The following ANO2 variants were observed in gnomAD, a reference collection of about 807,000 sequenced individuals.
ANO2 encodes the protein anoctamin-2.
ANO2 carries 101 observed loss-of-function variants against 124.2 expected under a neutral mutation model. The observed-to-expected ratio is 0.81, with a 90% CI of 0.69 to 0.96. ANO2 has a LOEUF of 0.96. Among genes scored for constraint, ANO2 ranks in the 40% least tolerant of loss-of-function variants. The probability of loss-of-function intolerance (pLI) is 0.00; values close to 1 mark genes in which losing one functional copy is unlikely to be tolerated. For synonymous variants in ANO2, 486 were observed against 482.5 expected (o/e 1.01, Z -0.09); for missense variants, 1,293 against 1,274.5 (o/e 1.01, Z -0.22).
intron 1 of ANO2, among the ~76,000 whole-genome samples, chr12:5,944,064 A>G (rs1942999975): frequency 6.6e-6 from 1 of 152,214 alleles, no homozygotes; most frequent in Non-Finnish European, 1.5e-5. Flanking sequence ...CAGTTGCTGG[A>G]AAGGATCGAA....
intron 15 of ANO2, among the ~76,000 whole-genome samples, chr12:5,645,965 G>T (rs553564189): frequency 6.6e-6 from 1 of 152,270 alleles, no homozygotes; most frequent in Admixed American, 6.5e-5. Context: ...ACAGGATTTT[G>T]TTTCCCCTTT....
chr12:5,894,318 C>A (rs1939622271), intron 3 of ANO2, among the ~76,000 whole-genome samples: 1 of 152,034 alleles, frequency 6.6e-6, no homozygotes, highest in Non-Finnish European at 1.5e-5. Flanking sequence ...TATCCTTCAC[C>A]CACTTTTTGA....
chr12:5,873,878 C>T (rs934634090), intron 3 of ANO2, among the ~76,000 whole-genome samples: 1 of 152,194 alleles, frequency 6.6e-6, no homozygotes, highest in Non-Finnish European at 1.5e-5. Flanking sequence ...GTGGCAGCCT[C>T]GCAGTCCTTT....
At chr12:5,738,946 C>G (rs1950983139) in intron 13 of ANO2, among the ~76,000 whole-genome samples, 1 of 152,136 alleles carries the variant, frequency 6.6e-6, no homozygotes, top group African/African-American at 2.4e-5. Flanking sequence ...TCTCCTTTGG[C>G]CCTCAGGAGG....
intron 10 of ANO2, among the ~76,000 whole-genome samples, chr12:5,779,298 C>T (rs765783004): frequency 4.7e-4 from 72 of 152,346 alleles, no homozygotes; most frequent in Middle Eastern, 3.4e-3. Context: ...TCTCTCCCAA[C>T]CTCCACAACA....
chr12:5,791,041 C>T (rs1161538052), intron 10 of ANO2, among the ~76,000 whole-genome samples: 2 of 152,160 alleles, frequency 1.3e-5, no homozygotes, highest in African/African-American at 2.4e-5. Context: ...CATCATTTCA[C>T]TCTCACTGGG....
intron 7 of ANO2, among the ~76,000 whole-genome samples, chr12:5,814,290 T>A (rs1433899500): frequency 6.6e-6 from 1 of 152,256 alleles, no homozygotes; most frequent in East Asian, 1.9e-4. Flanking sequence ...TCTCTATACA[T>A]ATGCCCACCT....
intron 10 of ANO2, among the ~76,000 whole-genome samples, chr12:5,770,010 A>G (rs1046579198): frequency 6.6e-6 from 1 of 152,186 alleles, no homozygotes; most frequent in Admixed American, 6.5e-5. Context: ...CATTTAATAG[A>G]TGAGAGAATG....
intron 3 of ANO2, among the ~76,000 whole-genome samples, chr12:5,873,243 C>CTCTG (rs1204998372): frequency 5.3e-5 from 7 of 132,764 alleles, no homozygotes; most frequent in Non-Finnish European, 9.9e-5. Flanking sequence ...CTCTCTCTCT[C>CTCTG]TCTGTCTGTC....
rs117110509 is a variant in ANO2 at position 5,679,658 on chromosome 12, G to A, written c.1546-31857C>T. Reference sequence around the variant, plus strand: ...AAACAACAGATGTTGGTGAGGTTAGGAAGAAATAGGAATGCTTTACACTTT... The same window carrying A: ...AAACAACAGATGTTGGTGAGGTTAGAAAGAAATAGGAATGCTTTACACTTT... On this transcript the variant is annotated intron_variant, in intron 14 of 24. Transcript: ENST00000682330. Among the ~76,000 whole-genome samples, 564 of 152,320 alleles carry A rather than the reference G, an allele frequency of 3.7e-3. 1 individual carries two copies. Among genetic ancestry groups the A allele is most frequent in the Non-Finnish European group, 6.7e-3 (455 of 68,030 alleles).
At chr12:5,613,896 C>T (rs1321554484) in intron 17 of ANO2, among the ~76,000 whole-genome samples, 1 of 152,188 alleles carries the variant, frequency 6.6e-6, no homozygotes, top group African/African-American at 2.4e-5. Context: ...ACATTGAAAG[C>T]ACCAATGAAG....
rs759705467 is a variant in ANO2, at chr12:5,563,174, C to T, written c.*125G>A. Reference sequence around the variant, plus strand: ...GCTCTTTCTTTTTACACACTGCCCCCTCTTCAAGACCCCATCAAGCCAGGC... The same window carrying T: ...GCTCTTTCTTTTTACACACTGCCCCTTCTTCAAGACCCCATCAAGCCAGGC... On this transcript the variant is annotated 3_prime_UTR_variant, in exon 25 of 25. Coordinates refer to ENST00000682330, the MANE Select transcript of ANO2 (RefSeq NM_001364791.2). The T allele has an allele frequency of 3.4e-5, 44 of 1,289,784 alleles. No homozygotes were observed. The highest frequency in any genetic ancestry group is 5.4e-5 in the Admixed American group (2 of 37,118). 79.9% of individuals were successfully genotyped at this position (1,289,784 alleles called of 1,614,324 possible). A position where few individuals can be genotyped will look rare whatever the true frequency, so the allele number is the denominator to read the frequency against.
intron 14 of ANO2, among the ~76,000 whole-genome samples, chr12:5,686,041 G>A (rs1948690378): frequency 6.6e-6 from 1 of 152,178 alleles, no homozygotes; most frequent in Non-Finnish European, 1.5e-5. Flanking sequence ...TTTGGTATCA[G>A]GCAGCAGAGA....
intron 6 of ANO2, among the ~76,000 whole-genome samples, chr12:5,828,666 G>A (rs1201434258): frequency 1.3e-5 from 2 of 152,200 alleles, no homozygotes. Flanking sequence ...GAATCCCCTG[G>A]CCTATGGGGC....
At chr12:5,913,531 C>T (rs569601353) in intron 3 of ANO2, among the ~76,000 whole-genome samples, 36 of 152,342 alleles carry the variant, frequency 2.4e-4, no homozygotes, top group Non-Finnish European at 4.4e-5. Context: ...TGCAGAGAAT[C>T]TCTGTGAATT....
intron 20 of ANO2, 22 bp from the exon 21 acceptor site, chr12:5,578,540 G>A: frequency 6.2e-7 from 1 of 1,606,534 alleles, no homozygotes; most frequent in Non-Finnish European, 8.5e-7. Flanking sequence ...CACAGCATGA[G>A]GGCTTCAGCA....
chr12:5,693,988 T>C (rs536846031), intron 14 of ANO2, among the ~76,000 whole-genome samples: 1 of 152,252 alleles, frequency 6.6e-6, no homozygotes, highest in African/African-American at 2.4e-5. Flanking sequence ...TATTTATCTA[T>C]TCATTTGTGG....
intron 14 of ANO2, among the ~76,000 whole-genome samples, chr12:5,650,077 T>C (rs1325864398): frequency 6.6e-6 from 1 of 152,182 alleles, no homozygotes; most frequent in African/African-American, 2.4e-5. Flanking sequence ...GGACTTTTCC[T>C]GAGTCCCCCT....
At chr12:5,922,882 C>CA in intron 1 of ANO2, 78 bp from the exon 2 acceptor site, 2 of 1,334,676 alleles carry the variant, frequency 1.5e-6, no homozygotes, top group East Asian at 2.8e-5. Context: ...TGAGTGTACT[C>CA]AGACACTAGC....
Sources: allele counts gnomAD v4.1 joint callset (sites outside exome capture counted in the v4.1 genomes callset), GRCh38; gene constraint gnomAD v4.1.1; transcripts MANE v1.5; gene names NCBI Gene and HGNC (gene_info 2026-07-23, HGNC 2026-07-21).